Variants in GNAT3 observed in about 807,000 individuals in gnomAD.
GNAT3 encodes the protein guanine nucleotide-binding protein G(t) subunit alpha-3.
In GNAT3, 31 loss-of-function variants were observed where a neutral mutation model predicts 37.7. The observed-to-expected ratio is 0.82, with a 90% confidence interval of 0.62 to 1.11. The LOEUF (loss-of-function observed/expected upper bound fraction) is 1.11, where lower values mean the gene tolerates loss of function less well. Ranked by LOEUF, GNAT3 falls within the 50% of genes most tolerant of loss-of-function variation. GNAT3 has a pLI of 0.00. For missense variants in GNAT3, 437 were observed against 412.5 expected (o/e 1.06, Z -0.51); for synonymous variants, 138 against 139.8 (o/e 0.99, Z 0.09).
chr7:80,480,015 A>G (rs867856011), intron 3 of GNAT3, among the ~76,000 whole-genome samples: 12 of 152,292 alleles, frequency 7.9e-5, no homozygotes, highest in Middle Eastern at 3.4e-3. Flanking sequence ...AAAGAAGGAA[A>G]TAGAAGTTTA....
intron 2 of GNAT3, among the ~76,000 whole-genome samples, chr7:80,490,839 G>A (rs952463117): frequency 6.6e-6 from 1 of 152,144 alleles, no homozygotes; most frequent in African/African-American, 2.4e-5. Flanking sequence ...TACAGTCCAT[G>A]ATCTTAGCCA....
At chr7:80,479,797 ATG>A (rs1217711586) in intron 3 of GNAT3, among the ~76,000 whole-genome samples, 4 of 151,014 alleles carry the variant, frequency 2.6e-5, no homozygotes, top group South Asian at 2.1e-4. Flanking sequence ...TTAATATATA[ATG>A]TTTTTTTGTC....
intron 5 of GNAT3, among the ~76,000 whole-genome samples, chr7:80,468,880 C>T (rs908561817): frequency 3.8e-4 from 58 of 152,018 alleles, no homozygotes; most frequent in African/African-American, 9.9e-4. Flanking sequence ...GATAATTCTC[C>T]GATTATTTAA....
chr7:80,490,364 T>C (rs1431877931), intron 2 of GNAT3, among the ~76,000 whole-genome samples: 2 of 152,200 alleles, frequency 1.3e-5, no homozygotes, highest in East Asian at 3.9e-4. Context: ...CACAAAGTTC[T>C]GTTGAAGAGG....
chr7:80,474,479 A>G (rs1386724805), intron 4 of GNAT3, 100 bp from the exon 5 acceptor site: 22 of 360,072 alleles, frequency 6.1e-5, no homozygotes, highest in African/African-American at 2.5e-4. Context: ...ATGTGTGTGT[A>G]TATATATATA....
chr7:80,493,848 T>A (rs1211138330), intron 2 of GNAT3, among the ~76,000 whole-genome samples: 23 of 133,194 alleles, frequency 1.7e-4, no homozygotes, highest in African/African-American at 5.7e-4. Context: ...TTCCTCCTCC[T>A]CCTCTTTCCT....
In GNAT3 at chr7:80,511,816, T is replaced by C; in HGVS notation, c.111A>G (p.Leu37=). 6.2e-7 allele frequency: 1 copy of C among 1,602,246 alleles called. No individual in the cohort carries two copies. The highest frequency in any genetic ancestry group is 8.5e-7 in the Non-Finnish European group (1 of 1,170,716). Reference sequence around the variant, plus strand: ...AAAGGGAAAAGAAATTACCTAATAGTAGCAGCTTTACGGTTCTTGCATCTC... The same window carrying C: ...AAAGGGAAAAGAAATTACCTAATAGCAGCAGCTTTACGGTTCTTGCATCTC... The part of the protein sequence containing the change: ...AERDARTVKL[L]LLGAGESGKS... Residue 37 remains leucine (L), a synonymous_variant, in exon 1 of 8, where the codon CTA becomes CTG. Transcript: ENST00000398291.
intron 2 of GNAT3, among the ~76,000 whole-genome samples, chr7:80,493,614 C>T (rs1562730392): frequency 1.7e-5 from 2 of 115,558 alleles, no homozygotes; most frequent in Non-Finnish European, 3.6e-5. Flanking sequence ...CCTCCTCCTC[C>T]TCTTTCCTCT....
At chr7:80,466,219 G>A (rs1344911570) in intron 5 of GNAT3, among the ~76,000 whole-genome samples, 1 of 152,148 alleles carries the variant, frequency 6.6e-6, no homozygotes, top group African/African-American at 2.4e-5. Flanking sequence ...TGGCAGGGCT[G>A]TAGGAATCGA....
At chr7:80,507,518 T>G (rs138204341) in intron 1 of GNAT3, among the ~76,000 whole-genome samples, 1 of 152,132 alleles carries the variant, frequency 6.6e-6, no homozygotes, top group Non-Finnish European at 1.5e-5. Context: ...AAACCACGTT[T>G]GTCTAGATCT....
At chr7:80,509,313 A>T (rs1230679506) in intron 1 of GNAT3, among the ~76,000 whole-genome samples, 1 of 152,092 alleles carries the variant, frequency 6.6e-6, no homozygotes, top group African/African-American at 2.4e-5. Flanking sequence ...TCCAAAAGGG[A>T]AACTTAGCCA....
chr7:80,469,546 C>T (rs1362589764), intron 5 of GNAT3, among the ~76,000 whole-genome samples: 1 of 151,988 alleles, frequency 6.6e-6, no homozygotes, highest in Non-Finnish European at 1.5e-5. Flanking sequence ...CAGTAATTTC[C>T]ACTGAATTAG....
At position 80,497,448 on chromosome 7, in the gene GNAT3, A is replaced by T. The variant is rs188688151; in HGVS notation, c.119-2801T>A. Among the ~76,000 whole-genome samples, 246 of 152,014 alleles carry T rather than the reference A, an allele frequency of 1.6e-3. 2 individuals are homozygous for T. Among genetic ancestry groups the T allele is most frequent in the South Asian group, 0.012 (60 of 4,806 alleles). On this transcript the variant is annotated intron_variant, in intron 1 of 7. Coordinates refer to ENST00000398291, the MANE Select transcript of GNAT3 (RefSeq NM_001102386.3). ...TGTCCTTGATAGGTTTTATTTTAAAATCTCTAACAATGGAACTGAATATTC... is the reference window on the plus strand; with the variant it reads ...TGTCCTTGATAGGTTTTATTTTAAATTCTCTAACAATGGAACTGAATATTC...
At chr7:80,478,749 TCA>T in intron 4 of GNAT3, 90 bp downstream of exon 4, 1 of 1,230,614 alleles carries the variant, frequency 8.1e-7, no homozygotes. Flanking sequence ...TTTATTTTCC[TCA>T]TTTGAATTTA....
chr7:80,493,251 G>A (rs1223991259), intron 2 of GNAT3, among the ~76,000 whole-genome samples: 2 of 152,062 alleles, frequency 1.3e-5, no homozygotes, highest in Non-Finnish European at 2.9e-5. Flanking sequence ...AGAGCAGGCA[G>A]ATACTGTGGA....
At chr7:80,492,412 GT>G (rs879779221) in intron 2 of GNAT3, among the ~76,000 whole-genome samples, 1 of 151,484 alleles carries the variant, frequency 6.6e-6, no homozygotes, top group Non-Finnish European at 1.5e-5. Flanking sequence ...TTTGTAACCT[GT>G]TTTTTTAGTA....
At chr7:80,498,059 A>C (rs1287493210) in intron 1 of GNAT3, among the ~76,000 whole-genome samples, 1 of 152,086 alleles carries the variant, frequency 6.6e-6, no homozygotes, top group Non-Finnish European at 1.5e-5. Context: ...TCACAACCGA[A>C]TTTTATTTTA....
intron 2 of GNAT3, among the ~76,000 whole-genome samples, chr7:80,494,391 G>A (rs1172596206): frequency 6.6e-6 from 1 of 152,034 alleles, no homozygotes; most frequent in African/African-American, 2.4e-5. Context: ...TTATTGAGAG[G>A]CACATTTTAA....
rs1161321909 is a variant in GNAT3 at position 80,478,894 on chromosome 7, A to G, written c.408T>C (p.Ile136=). The G allele has an allele frequency of 6.2e-7, 1 of 1,613,336 alleles. No individual in the cohort carries two copies. Among genetic ancestry groups the G allele is most frequent in the Non-Finnish European group, 8.5e-7 (1 of 1,179,576 alleles). ...CAGATGCCCTTTCAAAGCAGGCCTGAATTCCTGGATCTCTCCACAGCCGTT... is the reference window on the plus strand; with the variant it reads ...CAGATGCCCTTTCAAAGCAGGCCTGGATTCCTGGATCTCTCCACAGCCGTT... ...VIKRLWRDPG[I]QACFERASEY... Residue 136 remains isoleucine (I), a synonymous_variant, in exon 4 of 8, where the codon ATT becomes ATC. Coordinates refer to ENST00000398291, the MANE Select transcript of GNAT3 (RefSeq NM_001102386.3).
Sources: allele counts gnomAD v4.1 joint callset (sites outside exome capture counted in the v4.1 genomes callset), GRCh38; gene constraint gnomAD v4.1.1; transcripts MANE v1.5; gene names NCBI Gene and HGNC (gene_info 2026-07-23, HGNC 2026-07-21).